Variants in PDXDC1 observed in about 807,000 individuals in gnomAD.
PDXDC1 encodes the protein pyridoxal-dependent decarboxylase domain-containing protein 1.
A neutral mutation model predicts 100.1 loss-of-function variants in PDXDC1; 42 were observed. The observed-to-expected ratio is 0.42, with a 90% CI of 0.33 to 0.54. The LOEUF (loss-of-function observed/expected upper bound fraction) is 0.54, where lower values mean the gene tolerates loss of function less well. Among genes scored for constraint, PDXDC1 ranks in the 20% least tolerant of loss-of-function variants. The pLI, the probability that PDXDC1 is intolerant of heterozygous loss-of-function variation, is 0.10. For missense variants in PDXDC1, 636 were observed against 979.2 expected (o/e 0.65, Z 4.68); for synonymous variants, 260 against 371.7 (o/e 0.70, Z 3.46).
At chr16:15,090,923 G>A (rs1289130636) in intron 16 of PDXDC1, among the ~76,000 whole-genome samples, 2 of 143,120 alleles carry the variant, frequency 1.4e-5, no homozygotes, top group African/African-American at 5.2e-5. Context: ...CAAGAGAGTT[G>A]CATGCAGCAT....
chr16:15,040,002 C>G (rs768911930), downstream of PDXDC1: 2 of 1,611,460 alleles, frequency 1.2e-6, no homozygotes, highest in Non-Finnish European at 1.7e-6. Flanking sequence ...CAGCACGAAG[C>G]TGCTCCTCCG....
chr16:15,037,583 A>G lies in PDXDC1; in HGVS notation c.*1308A>G, dbSNP rs949090632. On this transcript the variant is annotated 3_prime_UTR_variant, in exon 23 of 23. Transcript: ENST00000396410. ...AAATTATCACCTTCAAGAAAATTAC[A>G]TGTTTTTATATATATTTGGAATTGT... The G allele has an allele frequency of 6.5e-6, 1 of 153,810 alleles. No individual in the cohort carries two copies. Among genetic ancestry groups the G allele is most frequent in the Non-Finnish European group, 1.4e-5 (1 of 69,310 alleles). The allele number at this position is 153,810 out of a possible 1,614,324, so 9.5% of individuals were successfully genotyped here.
At chr16:15,083,702 A>G (rs1353678823) in intron 16 of PDXDC1, 129 of 1,398,846 alleles carry the variant, frequency 9.2e-5, no homozygotes, top group Non-Finnish European at 1.2e-4. Context: ...AGGAACCCCT[A>G]CCTCAAAGAA....
intron 4 of PDXDC1, among the ~76,000 whole-genome samples, chr16:15,003,658 G>A (rs1973664129): frequency 6.6e-6 from 1 of 152,280 alleles, no homozygotes; most frequent in Admixed American, 6.5e-5. Flanking sequence ...ATTTAAAAAG[G>A]GCTATTTATC....
chr16:15,035,777 G>A (rs550096158), intron 22 of PDXDC1, among the ~76,000 whole-genome samples: 2 of 152,148 alleles, frequency 1.3e-5, no homozygotes, highest in East Asian at 1.9e-4. Flanking sequence ...TGTCACTGTG[G>A]TGTTTACCCT....
At chr16:15,060,442 A>G (rs2044670665) in intron 16 of PDXDC1, 2 of 155,360 alleles carry the variant, frequency 1.3e-5, no homozygotes, top group African/African-American at 2.4e-5. Context: ...AAGTGCATAC[A>G]AAGCCCTGGA....
At chr16:15,068,173 T>C (rs1472876712) in intron 16 of PDXDC1, 11 of 1,573,214 alleles carry the variant, frequency 7.0e-6, no homozygotes, top group Non-Finnish European at 9.5e-6. Context: ...ACTTACTTTG[T>C]GATTGCAGCA....
chr16:14,995,601 T>C (rs964146379), intron 1 of PDXDC1, among the ~76,000 whole-genome samples: 4 of 152,292 alleles, frequency 2.6e-5, no homozygotes, highest in African/African-American at 9.6e-5. Context: ...TCTAAAATTC[T>C]CTTTTTTTGT....
At chr16:15,040,234 C>T, downstream of PDXDC1, 1 of 440,010 alleles carries the variant, frequency 2.3e-6, no homozygotes. Flanking sequence ...GCAACCTTTA[C>T]CCCAAGCATC....
At chr16:15,060,183 A>G (rs2044662302) in intron 16 of PDXDC1, 1 of 421,324 alleles carries the variant, frequency 2.4e-6, no homozygotes. Flanking sequence ...ACTACTTCCC[A>G]ACCCACAAAG....
intron 16 of PDXDC1, among the ~76,000 whole-genome samples, chr16:15,075,503 C>T (rs1158453929): frequency 6.6e-6 from 1 of 150,796 alleles, no homozygotes; most frequent in Non-Finnish European, 1.5e-5. Flanking sequence ...CCCAGGAGGT[C>T]GAGGCTGGAG....
chr16:15,033,026 T>G (rs1237272858), intron 18 of PDXDC1, 47 bp downstream of exon 18: 2 of 1,223,304 alleles, frequency 1.6e-6, no homozygotes, highest in Non-Finnish European at 2.4e-6. Flanking sequence ...GAAGGACACT[T>G]GGTAACCGGC....
chr16:15,057,437 T>C (rs1482989747), intron 16 of PDXDC1, among the ~76,000 whole-genome samples: 1 of 152,222 alleles, frequency 6.6e-6, no homozygotes, highest in Non-Finnish European at 1.5e-5. Flanking sequence ...AGTAACTTGC[T>C]CAAAGTGGTA....
At chr16:15,039,550 G>A (rs376499292), downstream of PDXDC1, among the ~76,000 whole-genome samples, 2 of 152,102 alleles carry the variant, frequency 1.3e-5, no homozygotes, top group Non-Finnish European at 2.9e-5. Context: ...ATTATTTTGG[G>A]TTAATTAAAT....
intron 15 of PDXDC1, chr16:15,029,239 A>AGCT (rs2042873117): frequency 1.6e-6 from 1 of 607,552 alleles, no homozygotes; most frequent in Admixed American, 2.8e-5. Context: ...GCTGCAGGGC[A>AGCT]GCTGCGGTGG....
intron 1 of PDXDC1, among the ~76,000 whole-genome samples, chr16:14,978,231 C>A (rs910314881): frequency 6.6e-6 from 1 of 152,282 alleles, no homozygotes; most frequent in African/African-American, 2.4e-5. Flanking sequence ...TTTGCCCCTG[C>A]CCCCCACTGT....
At chr16:15,043,373 G>A (rs182524332) in intron 16 of PDXDC1, among the ~76,000 whole-genome samples, 1 of 152,318 alleles carries the variant, frequency 6.6e-6, no homozygotes, top group East Asian at 1.9e-4. Flanking sequence ...GCGAGACCCT[G>A]TCTCCACAAA....
At chr16:15,143,193 A>G (rs1024326841), downstream of PDXDC1, among the ~76,000 whole-genome samples, 9 of 152,106 alleles carry the variant, frequency 5.9e-5, no homozygotes, top group African/African-American at 2.2e-4. Flanking sequence ...CTAGCGTGGG[A>G]CCCAGCGGGC....
chr16:15,073,629 T>C (rs1266142504), intron 16 of PDXDC1, among the ~76,000 whole-genome samples: 2 of 152,182 alleles, frequency 1.3e-5, no homozygotes, highest in African/African-American at 2.4e-5. Flanking sequence ...TGAAGAGCAA[T>C]TCTATCATTC....
Sources: gnomAD v4.1 joint callset for allele counts (sites outside exome capture counted in the v4.1 genomes callset) on GRCh38, gnomAD v4.1.1 for gene constraint, MANE v1.5 for transcripts, NCBI Gene and HGNC (gene_info 2026-07-23, HGNC 2026-07-21) for gene names.